Variants in DTNB observed in about 807,000 individuals in gnomAD.
The protein encoded by DTNB is DTN-B.
A neutral mutation model predicts 90.7 loss-of-function variants in DTNB; 63 were observed. The observed-to-expected ratio is 0.69, with a 90% CI of 0.57 to 0.86. The LOEUF (loss-of-function observed/expected upper bound fraction) is 0.86, where lower values mean the gene tolerates loss of function less well. DTNB is among the 40% of genes least tolerant of loss of function. The pLI is 0.00. For missense variants in DTNB, 744 were observed against 807.1 expected (o/e 0.92, Z 0.95); for synonymous variants, 277 against 286.7 (o/e 0.97, Z 0.34).
chr2:25,408,231 C>A (rs1169882537), intron 16 of DTNB, among the ~76,000 whole-genome samples: 1 of 152,060 alleles, frequency 6.6e-6, no homozygotes, highest in Non-Finnish European at 1.5e-5. Flanking sequence ...ATTACTTGAA[C>A]CTGGGAGGTG....
intron 2 of DTNB, among the ~76,000 whole-genome samples, chr2:25,647,299 T>G (rs2079705399): frequency 2.0e-5 from 3 of 152,180 alleles, no homozygotes; most frequent in Non-Finnish European, 4.4e-5. Context: ...GGGAAAAAAT[T>G]AATACTCTTG....
intron 2 of DTNB, among the ~76,000 whole-genome samples, chr2:25,641,736 T>C (rs554531209): frequency 3.3e-5 from 5 of 152,304 alleles, no homozygotes; most frequent in African/African-American, 9.6e-5. Flanking sequence ...TCAGATGAGA[T>C]TTTAGTGCAC....
intron 19 of DTNB, among the ~76,000 whole-genome samples, chr2:25,381,193 G>A (rs767437787): frequency 4.6e-5 from 7 of 151,714 alleles, no homozygotes; most frequent in Non-Finnish European, 7.4e-5. Context: ...GCATGTGCAT[G>A]TGCATGTGCG....
intron 20 of DTNB, among the ~76,000 whole-genome samples, chr2:25,378,499 C>A (rs1022335342): frequency 1.3e-5 from 2 of 152,036 alleles, no homozygotes; most frequent in African/African-American, 4.8e-5. Context: ...CTGAAAAAAC[C>A]CCTTTTCTGG....
chr2:25,561,095 G>A (rs2058189018), intron 8 of DTNB, among the ~76,000 whole-genome samples: 1 of 152,112 alleles, frequency 6.6e-6, no homozygotes, highest in African/African-American at 2.4e-5. Context: ...ATTCCTTCTA[G>A]TAGTCTGCCT....
At chr2:25,437,774 T>A (rs2056324671) in intron 12 of DTNB, among the ~76,000 whole-genome samples, 1 of 152,150 alleles carries the variant, frequency 6.6e-6, no homozygotes. Context: ...AATAAGTAGT[T>A]CACACATTTA....
chr2:25,411,432 A>G (rs963445719), intron 16 of DTNB, among the ~76,000 whole-genome samples: 4 of 152,118 alleles, frequency 2.6e-5, no homozygotes, highest in African/African-American at 9.7e-5. Context: ...TTGGAAAAAA[A>G]ATAACAACAA....
chr2:25,568,237 C>G (rs76972559), intron 8 of DTNB, among the ~76,000 whole-genome samples: 4,946 of 151,778 alleles, frequency 0.033, 97 homozygotes, highest in Middle Eastern at 0.097. Context: ...GAGATGGATG[C>G]TGGTGATGGC....
At chr2:25,410,146 A>G (rs145022043) in intron 16 of DTNB, among the ~76,000 whole-genome samples, 96 of 152,306 alleles carry the variant, frequency 6.3e-4, no homozygotes, top group African/African-American at 2.2e-3. Flanking sequence ...TAGGAATTCA[A>G]TATTCTTCCA....
At chr2:25,457,002 GT>G (rs902660590) in intron 10 of DTNB, among the ~76,000 whole-genome samples, 3 of 151,480 alleles carry the variant, frequency 2.0e-5, no homozygotes, top group South Asian at 2.1e-4. Flanking sequence ...AAATGCTCTA[GT>G]TTTTTTTCTT....
At chr2:25,609,087 A>G (rs2067805894) in intron 4 of DTNB, among the ~76,000 whole-genome samples, 1 of 152,182 alleles carries the variant, frequency 6.6e-6, no homozygotes, top group Non-Finnish European at 1.5e-5. Flanking sequence ...GTTCTGTGCA[A>G]TCATTTTGCA....
At chr2:25,452,857 T>C (rs984995655) in intron 11 of DTNB, among the ~76,000 whole-genome samples, 1 of 152,110 alleles carries the variant, frequency 6.6e-6, no homozygotes, top group African/African-American at 2.4e-5. Flanking sequence ...GTCAACACTT[T>C]ATAATTTTAA....
chr2:25,408,464 AG>A (rs2045794740), intron 16 of DTNB, among the ~76,000 whole-genome samples: 1 of 132,828 alleles, frequency 7.5e-6, no homozygotes, highest in Admixed American at 8.5e-5. Context: ...GCTGGAACCC[AG>A]GAGGTGGAGG....
At chr2:25,469,311 G>T (rs2062357135) in intron 10 of DTNB, among the ~76,000 whole-genome samples, 1 of 152,246 alleles carries the variant, frequency 6.6e-6, no homozygotes, top group South Asian at 2.1e-4. Context: ...CAAAAGTGCA[G>T]GTGAGAGAAT....
Position 25,667,788 on chromosome 2 carries a change from A to G in DTNB, c.-2+5598T>C, listed in dbSNP as rs186565768. 2.6e-4 allele frequency among the ~76,000 whole-genome samples: 39 copies of G among 152,302 alleles called. No individual in the cohort carries two copies. The East Asian group carries it at 6.9e-3, about 27-fold the overall frequency. ...TAGGTATTTTCCCAAGTGAGTTACA[A>G]ATTTAATGTCTACACAAAAACCTGC... On this transcript the variant is annotated intron_variant, in intron 1 of 20. Coordinates refer to ENST00000406818, the MANE Select transcript of DTNB (RefSeq NM_021907.5).
chr2:25,564,393 T>A (rs1156941412), intron 8 of DTNB, among the ~76,000 whole-genome samples: 1 of 152,104 alleles, frequency 6.6e-6, no homozygotes, highest in Admixed American at 6.5e-5. Context: ...TTTTGTTATT[T>A]TTTTTGAGAT....
At chr2:25,445,621 G>C (rs1341319865) in intron 12 of DTNB, among the ~76,000 whole-genome samples, 2 of 152,180 alleles carry the variant, frequency 1.3e-5, no homozygotes, top group Non-Finnish European at 2.9e-5. Flanking sequence ...TTCCAGCATT[G>C]TTCTCTGCAT....
intron 1 of DTNB, among the ~76,000 whole-genome samples, chr2:25,668,831 T>C (rs1489123163): frequency 1.3e-5 from 2 of 152,158 alleles, no homozygotes; most frequent in Non-Finnish European, 2.9e-5. Flanking sequence ...CAGATACCAA[T>C]GTTCATAGCA....
At chr2:25,532,297 G>C (rs1220885172) in intron 8 of DTNB, among the ~76,000 whole-genome samples, 1 of 150,502 alleles carries the variant, frequency 6.6e-6, no homozygotes, top group Non-Finnish European at 1.5e-5. Context: ...ATACTAAAAG[G>C]CTAAGAGCAC....
Sources: gnomAD v4.1 joint callset for allele counts (sites outside exome capture counted in the v4.1 genomes callset) on GRCh38, gnomAD v4.1.1 for gene constraint, MANE v1.5 for transcripts, NCBI Gene and HGNC (gene_info 2026-07-23, HGNC 2026-07-21) for gene names.